The following ST13 variants were observed in gnomAD, a reference collection of about 807,000 sequenced individuals.
ST13 encodes the protein ST13 Hsp70 interacting protein, also known as hsc70-interacting protein.
Under a neutral mutation model 56.7 loss-of-function variants are expected in ST13, and 23 were observed. The observed-to-expected ratio is 0.41, with a 90% CI of 0.29 to 0.57. The LOEUF is 0.57. Among genes scored for constraint, ST13 ranks in the 20% least tolerant of loss-of-function variants. ST13 has a pLI of 0.36. For missense variants in ST13, 369 were observed against 459.9 expected, an observed-to-expected ratio of 0.80 and a Z score of 1.81; for synonymous variants, 132 against 142.4, an observed-to-expected ratio of 0.93 and a Z score of 0.52.
intron 1 of ST13, 42 bp downstream of exon 1, chr22:40,856,389 G>T (rs751676990): frequency 6.4e-7 from 1 of 1,558,668 alleles, no homozygotes; most frequent in Admixed American, 1.7e-5. Context: ...CCCTGGGGCC[G>T]TGCTTCCCCC....
chr22:40,856,119 C>T (rs2057892852), intron 1 of ST13, among the ~76,000 whole-genome samples: 1 of 152,162 alleles, frequency 6.6e-6, no homozygotes, highest in South Asian at 2.1e-4. Context: ...CACGCAAAAT[C>T]TAAGTCTTGC....
At chr22:40,838,430 C>G (rs1191492285) in intron 5 of ST13, among the ~76,000 whole-genome samples, 1 of 152,006 alleles carries the variant, frequency 6.6e-6, no homozygotes, top group Non-Finnish European at 1.5e-5. Flanking sequence ...TAGGTGATAG[C>G]CTCATTTTCC....
chr22:40,842,509 C>T (rs570450957), intron 4 of ST13, among the ~76,000 whole-genome samples: 44 of 152,288 alleles, frequency 2.9e-4, no homozygotes, highest in African/African-American at 1.0e-3. Context: ...CACAAGCATT[C>T]CAATTCAAAC....
At chr22:40,856,198 C>T (rs1383111842) in intron 1 of ST13, among the ~76,000 whole-genome samples, 1 of 152,208 alleles carries the variant, frequency 6.6e-6, no homozygotes, top group East Asian at 1.9e-4. Context: ...GCCCAAGATA[C>T]ACCCCTGGGC....
Position 40,856,584 on chromosome 22 carries a change from T to C in ST13, c.-44A>G. 1.3e-6 allele frequency: 2 copies of C among 1,548,182 alleles called. No individual in the cohort carries two copies. The highest frequency in any genetic ancestry group is 1.8e-6 in the Non-Finnish European group (2 of 1,122,930). On this transcript the variant is annotated 5_prime_UTR_variant, in exon 1 of 12. Transcript: ENST00000216218. ...GAAACTGGGGGGGCTACGGCCCGGT[T>C]CCAGGCCCAGGCGCTGGCTCGGCGT... is the stretch of plus-strand genomic sequence containing the variant.
intron 8 of ST13, among the ~76,000 whole-genome samples, chr22:40,831,204 G>A (rs138932315): frequency 6.6e-6 from 1 of 152,172 alleles, no homozygotes; most frequent in Non-Finnish European, 1.5e-5. Context: ...AAACAATTAA[G>A]CTCAAAGATT....
intron 7 of ST13, among the ~76,000 whole-genome samples, chr22:40,834,713 G>A (rs913166864): frequency 1.3e-5 from 2 of 152,202 alleles, no homozygotes; most frequent in African/African-American, 4.8e-5. Flanking sequence ...AGCACAAGAT[G>A]AGCCAACGCT....
At chr22:40,835,366 C>A in intron 7 of ST13, 194 bp downstream of exon 7, 1 of 453,310 alleles carries the variant, frequency 2.2e-6, no homozygotes, top group Non-Finnish European at 4.0e-6. Context: ...CTCACTTCTT[C>A]TTTTAAATTT....
Position 40,825,308 on chromosome 22 carries a change from A to T in ST13, c.*1230T>A, listed in dbSNP as rs1477113860. On this transcript the variant is annotated 3_prime_UTR_variant, in exon 12 of 12. Coordinates refer to ENST00000216218, the MANE Select transcript of ST13 (RefSeq NM_003932.5). ...ATCTCATTTATAATTCACATTGGAT[A>T]AAAAAAATCGGTTCCCCTCTGTGTG... 4 of 152,080 alleles carry T rather than the reference A, an allele frequency of 2.6e-5. No homozygotes were observed. The highest frequency in any genetic ancestry group is 3.9e-4 in the East Asian group (2 of 5,192). 9.4% of individuals were successfully genotyped at this position (152,080 alleles called of 1,614,324 possible).
At chr22:40,853,857 A>AT (rs1371267973) in intron 1 of ST13, among the ~76,000 whole-genome samples, 2 of 152,220 alleles carry the variant, frequency 1.3e-5, no homozygotes. Flanking sequence ...AAGATACTAA[A>AT]TTGTTAAACG....
In ST13 at chr22:40,844,928, T is replaced by C; in HGVS notation, c.245-19A>G. 2.5e-6 allele frequency: 4 copies of C among 1,599,972 alleles called. No individual in the cohort carries two copies. The highest frequency in any genetic ancestry group is 3.4e-6 in the Non-Finnish European group (4 of 1,169,712). ...TCAATTTCTGCCAAAGTCGAGAAAA[T>C]GACAATAAGACCTGCACCGTACAAT... On this transcript the variant is annotated intron_variant, in intron 3 of 11. Coordinates refer to ENST00000216218, the MANE Select transcript of ST13 (RefSeq NM_003932.5).
chr22:40,835,922 G>C lies in ST13; in HGVS notation c.383-35C>G, dbSNP rs2057775120. 20 of 1,499,948 alleles carry C rather than the reference G, an allele frequency of 1.3e-5. No individual in the cohort carries two copies. In the East Asian group the frequency reaches 4.5e-4, roughly 34 times the overall value. The allele number at this position is 1,499,948 out of a possible 1,614,324, so 92.9% of individuals were successfully genotyped here. Reference sequence around the variant, plus strand: ...AACAAAAGTTATCGAGAAATATTCAGAGGATAAAAATATTAATAAAAAGTT... The same window carrying C: ...AACAAAAGTTATCGAGAAATATTCACAGGATAAAAATATTAATAAAAAGTT... On this transcript the variant is annotated intron_variant, in intron 5 of 11. Coordinates refer to ENST00000216218, the MANE Select transcript of ST13 (RefSeq NM_003932.5).
chr22:40,852,052 G>GT, intron 1 of ST13, among the ~76,000 whole-genome samples: 1 of 152,128 alleles, frequency 6.6e-6, no homozygotes, highest in East Asian at 1.9e-4. Flanking sequence ...CTGATTCTTT[G>GT]TAACTAGAGT....
chr22:40,844,148 G>A (rs528923459), intron 4 of ST13, among the ~76,000 whole-genome samples: 1 of 152,198 alleles, frequency 6.6e-6, no homozygotes, highest in African/African-American at 2.4e-5. Context: ...CTCCCAAAGT[G>A]CTGGGATTAC....
Position 40,829,687 on chromosome 22 carries a change from AG to A in ST13, c.799-14del, listed in dbSNP as rs199837809. Reference sequence around the variant, plus strand: ...TGGCTTCTTCCTCCTTTGATACAAAAGGAAATAAATTATATAATAGAAGAAG... The same window carrying A: ...TGGCTTCTTCCTCCTTTGATACAAAAGAAATAAATTATATAATAGAAGAAG... On this transcript the variant is annotated splice_polypyrimidine_tract_variant and intron_variant, in intron 9 of 11. Coordinates refer to ENST00000216218, the MANE Select transcript of ST13 (RefSeq NM_003932.5). The A allele has an allele frequency of 1.7e-3, 2,434 of 1,442,710 alleles. 31 individuals carry two copies. The African/African-American group carries it at 0.031, about 18-fold the overall frequency. The allele number at this position is 1,442,710 out of a possible 1,614,324, so 89.4% of individuals were successfully genotyped here. A position where few individuals can be genotyped will look rare whatever the true frequency, so the allele number is the denominator to read the frequency against.
At chr22:40,850,749 A>G (rs780764908) in intron 2 of ST13, 74 bp downstream of exon 2, 1 of 1,081,728 alleles carries the variant, frequency 9.2e-7, no homozygotes, top group Non-Finnish European at 1.4e-6. Context: ...ACTGGAGAGC[A>G]GCAGTTTAAA....
At chr22:40,852,097 T>G (rs2057864505) in intron 1 of ST13, among the ~76,000 whole-genome samples, 1 of 152,182 alleles carries the variant, frequency 6.6e-6, no homozygotes, top group Non-Finnish European at 1.5e-5. Flanking sequence ...TTCAGTTGGG[T>G]GGAATTTGTG....
chr22:40,853,350 AT>A (rs1395020624), intron 1 of ST13, among the ~76,000 whole-genome samples: 2 of 152,176 alleles, frequency 1.3e-5, no homozygotes, highest in South Asian at 2.1e-4. Flanking sequence ...TGCAAAAAAA[AT>A]AAAAACTTTA....
intron 7 of ST13, among the ~76,000 whole-genome samples, chr22:40,833,715 T>A (rs1375030870): frequency 6.6e-6 from 1 of 150,898 alleles, no homozygotes; most frequent in Admixed American, 6.6e-5. Flanking sequence ...ATCTCTAATA[T>A]AAAAAATTTG....
Sources: gnomAD v4.1 joint callset for allele counts (sites outside exome capture counted in the v4.1 genomes callset) on GRCh38, gnomAD v4.1.1 for gene constraint, MANE v1.5 for transcripts, NCBI Gene and HGNC (gene_info 2026-07-23, HGNC 2026-07-21) for gene names.